KLRF1: variants seen among roughly 807,000 people sequenced by gnomAD.
The protein encoded by KLRF1 is killer cell lectin-like receptor subfamily F member 1.
In KLRF1, 27 loss-of-function variants were observed where a neutral mutation model predicts 30.7. That is an observed-to-expected ratio of 0.88 (90% confidence interval 0.65 to 1.21). KLRF1 has a LOEUF of 1.21. Ranked by LOEUF, KLRF1 falls within the 50% of genes most tolerant of loss-of-function variation. The probability of loss-of-function intolerance (pLI) is 0.00; values close to 1 mark genes in which losing one functional copy is unlikely to be tolerated. For missense variants in KLRF1, 246 were observed against 259.3 expected (o/e 0.95, Z 0.35); for synonymous variants, 92 against 89.3 (o/e 1.03, Z -0.17).
At chr12:9,829,981 T>A (rs1867374472) in intron 1 of KLRF1, among the ~76,000 whole-genome samples, 1 of 152,224 alleles carries the variant, frequency 6.6e-6, no homozygotes, top group Non-Finnish European at 1.5e-5. Flanking sequence ...ATGTAGCTTT[T>A]ACGTCTAAAT....
At chr12:9,839,456 C>G (rs750680731) in intron 3 of KLRF1, among the ~76,000 whole-genome samples, 1 of 151,936 alleles carries the variant, frequency 6.6e-6, no homozygotes, top group South Asian at 2.1e-4. Flanking sequence ...ATGGAAAAGA[C>G]AACACACCAA....
intron 1 of KLRF1, 94 bp downstream of exon 1, chr12:9,827,723 T>G: frequency 1.6e-6 from 1 of 637,874 alleles, no homozygotes; most frequent in Non-Finnish European, 2.7e-6. Flanking sequence ...GTTTCAGTAT[T>G]TGGGTGCTTT....
At chr12:9,805,155 T>C in the KLRF1 span, among the ~76,000 whole-genome samples, 1 of 152,034 alleles carries the variant, frequency 6.6e-6, no homozygotes, top group African/African-American at 2.4e-5. Flanking sequence ...TGTGATTATC[T>C]ATTCCTGCTG....
the KLRF1 span, among the ~76,000 whole-genome samples, chr12:9,805,317 C>T: frequency 6.6e-6 from 1 of 151,894 alleles, no homozygotes; most frequent in Non-Finnish European, 1.5e-5. Flanking sequence ...ACATTGACAT[C>T]TTGTGTGTCC....
upstream of KLRF1, among the ~76,000 whole-genome samples, chr12:9,827,147 G>A (rs1236135514): frequency 6.6e-6 from 1 of 152,052 alleles, no homozygotes; most frequent in Non-Finnish European, 1.5e-5. Flanking sequence ...ATATGTTAGG[G>A]AGGCTAATTC....
chr12:9,802,623 A>AGCAAAGTCTCAGGATAC, the KLRF1 span, among the ~76,000 whole-genome samples: 4 of 151,224 alleles, frequency 2.6e-5, no homozygotes, highest in Admixed American at 6.6e-5. Flanking sequence ...TAATGAGCCC[A>AGCAAAGTCTCAGGATAC]AAAATCAATG....
chr12:9,800,538 C>T, the KLRF1 span, among the ~76,000 whole-genome samples: 1,248 of 152,038 alleles, frequency 8.2e-3, 13 homozygotes, highest in African/African-American at 0.028. Flanking sequence ...AACTTAACTC[C>T]CACTTATAAG....
chr12:9,817,523 G>A, the KLRF1 span: 1 of 377,932 alleles, frequency 2.6e-6, no homozygotes, highest in Non-Finnish European at 5.3e-6. Context: ...ACTTTTCAAG[G>A]TCAAGCAAGA....
intron 3 of KLRF1, among the ~76,000 whole-genome samples, chr12:9,838,696 G>A (rs1204215538): frequency 1.3e-5 from 2 of 152,100 alleles, no homozygotes; most frequent in African/African-American, 4.8e-5. Flanking sequence ...TTAACTTCCT[G>A]GTGTGGCCTA....
chr12:9,808,002 G>A, the KLRF1 span, among the ~76,000 whole-genome samples: 1,359 of 152,180 alleles, frequency 8.9e-3, 27 homozygotes, highest in African/African-American at 0.031. Context: ...TTTCTTATTA[G>A]GAACTGGATT....
the KLRF1 span, among the ~76,000 whole-genome samples, chr12:9,813,107 A>G: frequency 6.6e-6 from 1 of 151,800 alleles, no homozygotes; most frequent in Non-Finnish European, 1.5e-5. Flanking sequence ...GTCTCATGGC[A>G]TTCCCTCTTT....
chr12:9,811,721 A>G, the KLRF1 span, among the ~76,000 whole-genome samples: 1 of 152,230 alleles, frequency 6.6e-6, no homozygotes, highest in Admixed American at 6.5e-5. Flanking sequence ...GAATTAGGGA[A>G]ATGCAGCTTT....
chr12:9,836,305 T>G (rs1867575600), intron 3 of KLRF1, among the ~76,000 whole-genome samples: 1 of 152,080 alleles, frequency 6.6e-6, no homozygotes, highest in African/African-American at 2.4e-5. Context: ...TTCTGTCTAG[T>G]CATACTCCTA....
the KLRF1 span, among the ~76,000 whole-genome samples, chr12:9,812,584 G>A: frequency 6.6e-6 from 1 of 152,014 alleles, no homozygotes; most frequent in Non-Finnish European, 1.5e-5. Context: ...AAAACTTATG[G>A]CAATTAATAA....
chr12:9,844,327 C>A, intron 5 of KLRF1, 91 bp from the exon 6 acceptor site: 3 of 675,004 alleles, frequency 4.4e-6, no homozygotes, highest in Non-Finnish European at 5.1e-6. Flanking sequence ...TTTTGAATTA[C>A]TTTTTTATTT....
intron 1 of KLRF1, among the ~76,000 whole-genome samples, chr12:9,830,569 CTA>C (rs1288754533): frequency 6.6e-6 from 1 of 151,948 alleles, no homozygotes; most frequent in Non-Finnish European, 1.5e-5. Flanking sequence ...GAACAAGTAT[CTA>C]TTAATTTCTG....
At chr12:9,814,381 G>A in the KLRF1 span, among the ~76,000 whole-genome samples, 1 of 152,180 alleles carries the variant, frequency 6.6e-6, no homozygotes, top group African/African-American at 2.4e-5. Flanking sequence ...GGAGGCGCCT[G>A]GGGATTGCCC....
At chr12:9,833,973 C>A (rs999927461) in intron 3 of KLRF1, among the ~76,000 whole-genome samples, 1 of 140,862 alleles carries the variant, frequency 7.1e-6, no homozygotes, top group African/African-American at 2.8e-5. Flanking sequence ...GGGCTGAGTC[C>A]GAAAAGAAGA....
At chr12:9,821,900 C>T in the KLRF1 span, among the ~76,000 whole-genome samples, 1 of 152,362 alleles carries the variant, frequency 6.6e-6, no homozygotes, top group African/African-American at 2.4e-5. Context: ...TAATACCAAA[C>T]TACTTCACTA....
Sources: gnomAD v4.1 joint callset for allele counts (sites outside exome capture counted in the v4.1 genomes callset) on GRCh38, gnomAD v4.1.1 for gene constraint, MANE v1.5 for transcripts, NCBI Gene and HGNC (gene_info 2026-07-23, HGNC 2026-07-21) for gene names.